Variants in RBP4 observed in about 807,000 individuals in gnomAD.
RBP4 encodes the protein retinol binding protein 4, also known as retinol-binding protein 4.
In RBP4, 9 loss-of-function variants were observed where a neutral mutation model predicts 26.2. That is an observed-to-expected ratio of 0.34 (90% CI 0.21 to 0.60). The LOEUF is 0.60. Among genes scored for constraint, RBP4 ranks in the 20% least tolerant of loss-of-function variants. The pLI is 0.80. For synonymous variants in RBP4, 114 were observed against 111.0 expected, an observed-to-expected ratio of 1.03 and a Z score of -0.17; for missense variants, 244 against 271.3, an observed-to-expected ratio of 0.90 and a Z score of 0.71.
rs80297347 is a variant in RBP4 at position 93,594,479 on chromosome 10, C to T, written c.356-444G>A. Among the ~76,000 whole-genome samples the T allele has an allele frequency of 4.2e-3, 633 of 152,312 alleles. 4 individuals are homozygous for T. The highest frequency in any genetic ancestry group is 6.0e-3 in the Non-Finnish European group (411 of 68,024). ...CCCCAATATTGGCTTATGTCTTTCT[C>T]GATCTCTATCGCTGGTTCCTAATCA... On this transcript the variant is annotated intron_variant, in intron 4 of 5. Coordinates refer to ENST00000371464, the MANE Select transcript of RBP4 (RefSeq NM_006744.4).
intron 4 of RBP4, among the ~76,000 whole-genome samples, chr10:93,597,547 G>A (rs2058310068): frequency 6.6e-6 from 1 of 152,166 alleles, no homozygotes; most frequent in Non-Finnish European, 1.5e-5. Context: ...CCTGCTGATG[G>A]TAGTATCCTC....
chr10:93,600,589 C>T, intron 3 of RBP4, 78 bp downstream of exon 3: 1 of 1,612,538 alleles, frequency 6.2e-7, no homozygotes, highest in Non-Finnish European at 8.5e-7. Flanking sequence ...CTTCACAATG[C>T]CCACGTGGCG....
chr10:93,600,733 G>C lies in RBP4; in HGVS notation c.182C>G (p.Ala61Gly). 6.2e-7 allele frequency: 1 copy of C among 1,611,132 alleles called. No individual in the cohort carries two copies. Among genetic ancestry groups the C allele is most frequent in the South Asian group, 1.1e-5 (1 of 90,338 alleles). ...GCCGGTCTCGTCCACGGAGAACTCC[G>C]CGACGATGTTGTCCTGCAGAAAGAG... The part of the protein sequence containing the change: ...EGLFLQDNIV[A>G]EFSVDETGQM... Residue 61 changes from alanine (A) to glycine (G), a missense_variant, in exon 3 of 6, where the codon GCG becomes GGG. Ala to Gly is a moderately conservative substitution (Grantham distance 60). Transcript: ENST00000371464.
At chr10:93,599,263 A>AAAG (rs771309680) in intron 4 of RBP4, among the ~76,000 whole-genome samples, 1 of 151,238 alleles carries the variant, frequency 6.6e-6, no homozygotes, top group African/African-American at 2.4e-5. Flanking sequence ...AAAAATAATA[A>AAAG]TAAATTAAAA....
Position 93,600,759 on chromosome 10 carries a change from G to T in RBP4, c.156C>A (p.Gly52=), listed in dbSNP as rs151192231. The T allele has an allele frequency of 1.3e-4, 216 of 1,611,386 alleles. No homozygotes were observed. Among genetic ancestry groups the T allele is most frequent in the Non-Finnish European group, 1.8e-4 (209 of 1,178,914 alleles). Residue 52 remains glycine (G), a synonymous_variant, in exon 3 of 6, where the codon GGC becomes GGA. Coordinates refer to ENST00000371464, the MANE Select transcript of RBP4 (RefSeq NM_006744.4). The part of the protein sequence containing the change: ...WYAMAKKDPE[G]LFLQDNIVAE... ...CGACGATGTTGTCCTGCAGAAAGAG[G>T]CCCTCGGGGTCCTTCTTGGCCATGG...
chr10:93,601,498 C>A (rs1270794784), upstream of RBP4: 2 of 761,972 alleles, frequency 2.6e-6, no homozygotes, highest in African/African-American at 3.6e-5. Flanking sequence ...ACCCTGCACT[C>A]GTGCCAGCGG....
Position 93,601,219 on chromosome 10 carries a change from C to T in RBP4, c.-67G>A. 7.7e-7 allele frequency: 1 copy of T among 1,298,216 alleles called. No individual in the cohort carries two copies. Among genetic ancestry groups the T allele is most frequent in the Non-Finnish European group, 9.7e-7 (1 of 1,030,600 alleles). The allele number at this position is 1,298,216 out of a possible 1,614,324, so 80.4% of individuals were successfully genotyped here. ...AGCCTGGCCGCCGAGTCCGGGCGCG[C>T]GTGGAGCGAGGGAGGCGAGCGCGCC... On this transcript the variant is annotated 5_prime_UTR_variant, in exon 1 of 6. Transcript: ENST00000371464.
At chr10:93,598,185 G>A (rs1260094509) in intron 4 of RBP4, among the ~76,000 whole-genome samples, 2 of 152,180 alleles carry the variant, frequency 1.3e-5, no homozygotes, top group Non-Finnish European at 2.9e-5. Flanking sequence ...TCTAGACCCA[G>A]AATCTAAAGC....
intron 5 of RBP4, 62 bp downstream of exon 5, chr10:93,593,760 GC>G: frequency 6.5e-7 from 1 of 1,538,142 alleles, no homozygotes; most frequent in Non-Finnish European, 8.9e-7. Flanking sequence ...TAGCACGTGG[GC>G]CCCTTAGTCC....
rs753226964 is a variant in RBP4 at position 93,600,410 on chromosome 10, G to A, written c.338C>T (p.Ser113Phe). ...CTACTCACTTCCTTTCTGGAGAAAG[G>A]AGGCTACGCCCCAGTACTTCATCTT... ...KFKMKYWGVA[S>F]FLQKGNDDHW... Residue 113 changes from serine (S) to phenylalanine (F), a missense_variant, in exon 4 of 6, where the codon TCC (serine) becomes TTC (phenylalanine). Coordinates refer to ENST00000371464, the MANE Select transcript of RBP4 (RefSeq NM_006744.4). The A allele has an allele frequency of 6.2e-7, 1 of 1,614,092 alleles. No homozygotes were observed. The highest frequency in any genetic ancestry group is 1.1e-5 in the South Asian group (1 of 91,072).
In RBP4 at chr10:93,600,937, T is replaced by A. The variant is rs1292870418; in HGVS notation, c.92A>T (p.Glu31Val). ...ACCTACGCGAGCCTTGTCGAAGTTC[T>A]CCTTGACTCGGAAGCTGCTCACTCG... ...DCRVSSFRVK[E>V]NFDKARFSGT... Residue 31 changes from glutamate to valine, a missense_variant, in exon 2 of 6, where the codon GAG becomes GTG. By Grantham distance (121) the Glu-to-Val change is moderately radical. Transcript: ENST00000371464. 2.5e-6 allele frequency: 4 copies of A among 1,612,464 alleles called. No individual in the cohort carries two copies. The South Asian group carries it at 3.3e-5, about 13-fold the overall frequency.
intron 4 of RBP4, among the ~76,000 whole-genome samples, chr10:93,596,869 G>T (rs1259743246): frequency 6.6e-6 from 1 of 152,196 alleles, no homozygotes; most frequent in East Asian, 1.9e-4. Context: ...CAGGTGGGAA[G>T]CTCCCTGTGG....
At chr10:93,597,601 A>G (rs1006010143) in intron 4 of RBP4, among the ~76,000 whole-genome samples, 1 of 152,236 alleles carries the variant, frequency 6.6e-6, no homozygotes, top group African/African-American at 2.4e-5. Flanking sequence ...GCCAGAAGGG[A>G]AGACCAGTAT....
intron 4 of RBP4, 78 bp from the exon 5 acceptor site, chr10:93,594,113 C>T (rs1017293331): frequency 3.0e-6 from 4 of 1,346,418 alleles, no homozygotes; most frequent in Non-Finnish European, 3.2e-6. Flanking sequence ...CACGACCAGG[C>T]CTGAGAACAC....
rs954275063 is a variant in RBP4, at chr10:93,601,218, G to C, written c.-66C>G. On this transcript the variant is annotated 5_prime_UTR_variant, in exon 1 of 6. Coordinates refer to ENST00000371464, the MANE Select transcript of RBP4 (RefSeq NM_006744.4). ...AAGCCTGGCCGCCGAGTCCGGGCGCGCGTGGAGCGAGGGAGGCGAGCGCGC... is the reference window on the plus strand; with the variant it reads ...AAGCCTGGCCGCCGAGTCCGGGCGCCCGTGGAGCGAGGGAGGCGAGCGCGC... 2 of 1,299,004 alleles carry C rather than the reference G, an allele frequency of 1.5e-6. No homozygotes were observed. Among genetic ancestry groups the C allele is most frequent in the Non-Finnish European group, 1.9e-6 (2 of 1,031,128 alleles). The allele number at this position is 1,299,004 out of a possible 1,614,324, so 80.5% of individuals were successfully genotyped here.
Position 93,598,909 on chromosome 10 carries a change from AT to A in RBP4, c.355+1483del, listed in dbSNP as rs562190350. ...GGGATGTTTTGCTGCACTATTTGAA[AT>A]AATTTTTATTATTTCCAAGGATAAT... On this transcript the variant is annotated intron_variant, in intron 4 of 5. Transcript: ENST00000371464. 3.2e-3 allele frequency among the ~76,000 whole-genome samples: 484 copies of A among 152,296 alleles called. 2 individuals are homozygous for A. The highest frequency in any genetic ancestry group is 4.2e-3 in the Non-Finnish European group (283 of 67,996).
In RBP4 at chr10:93,600,482, G is replaced by A; in HGVS notation, c.266C>T (p.Ala89Val). Residue 89 changes from alanine (A) to valine (V), a missense_variant, in exon 4 of 6, where the codon GCA becomes GTA. Coordinates refer to ENST00000371464, the MANE Select transcript of RBP4 (RefSeq NM_006744.4). ...VRLLNNWDVC[A>V]DMVGTFTDTE... The stretch of plus-strand genomic sequence containing the variant: ...GTCTGTGAAGGTGCCCACCATGTCT[G>A]CGCACACGTCCCAGTTACTGCAAAA... 1 of 1,614,142 alleles carries A rather than the reference G, an allele frequency of 6.2e-7. No individual in the cohort carries two copies.
chr10:93,592,141 G>A (rs746669893), intron 5 of RBP4, 29 bp from the exon 6 acceptor site: 10 of 1,609,898 alleles, frequency 6.2e-6, no homozygotes, highest in Middle Eastern at 1.6e-4. Context: ...AGCCATTAAC[G>A]ACAGAAAGTG....
In RBP4 at chr10:93,592,015, T is replaced by C; in HGVS notation, c.*60A>G. On this transcript the variant is annotated 3_prime_UTR_variant, in exon 6 of 6. Coordinates refer to ENST00000371464, the MANE Select transcript of RBP4 (RefSeq NM_006744.4). ...GGGCAAATTAAACTCCTAAGATAAATAGAGCTGAAGACTGAGAGCTAATCA... is the reference window on the plus strand; with the variant it reads ...GGGCAAATTAAACTCCTAAGATAAACAGAGCTGAAGACTGAGAGCTAATCA... 3.6e-6 allele frequency: 5 copies of C among 1,403,146 alleles called. No individual in the cohort carries two copies. The highest frequency in any genetic ancestry group is 3.5e-5 in the South Asian group (3 of 86,532). 86.9% of individuals were successfully genotyped at this position (1,403,146 alleles called of 1,614,324 possible). A position where few individuals can be genotyped will look rare whatever the true frequency, so the allele number is the denominator to read the frequency against.
Sources: allele counts gnomAD v4.1 joint callset (sites outside exome capture counted in the v4.1 genomes callset), GRCh38; gene constraint gnomAD v4.1.1; transcripts MANE v1.5; gene names NCBI Gene and HGNC (gene_info 2026-07-23, HGNC 2026-07-21).